The following SMCO2 variants were observed in gnomAD, a reference collection of about 807,000 sequenced individuals.
The protein encoded by SMCO2 is single-pass membrane and coiled-coil domain-containing protein 2.
In SMCO2, 25 loss-of-function variants were observed where a neutral mutation model predicts 29.5. The observed-to-expected ratio is 0.85, with a 90% CI of 0.62 to 1.18. The LOEUF (loss-of-function observed/expected upper bound fraction) is 1.18, where lower values mean the gene tolerates loss of function less well. Ranked by LOEUF, SMCO2 falls within the 50% of genes most tolerant of loss-of-function variation. SMCO2 has a pLI of 0.00. For missense variants in SMCO2, 348 were observed against 344.5 expected, an observed-to-expected ratio of 1.01 and a Z score of -0.08; for synonymous variants, 117 against 123.3, an observed-to-expected ratio of 0.95 and a Z score of 0.34.
chr12:27,484,652 T>A (rs191263851), intron 4 of SMCO2, among the ~76,000 whole-genome samples: 33 of 151,558 alleles, frequency 2.2e-4, no homozygotes, highest in Admixed American at 2.6e-4. Context: ...TCAAAATTTT[T>A]AAAAAATCTG....
chr12:27,464,489 G>T (rs1472698916), upstream of SMCO2, among the ~76,000 whole-genome samples: 2 of 151,944 alleles, frequency 1.3e-5, no homozygotes, highest in Non-Finnish European at 2.9e-5. Flanking sequence ...CAGGAGGATT[G>T]CTTGAGCCTA....
At chr12:27,445,156 TAGAC>T in the SMCO2 span, among the ~76,000 whole-genome samples, 2 of 152,120 alleles carry the variant, frequency 1.3e-5, no homozygotes, top group African/African-American at 2.4e-5. Flanking sequence ...CTCGTGAAGA[TAGAC>T]AGTAGATTGG....
At chr12:27,486,802 C>A (rs1167409395) in intron 4 of SMCO2, among the ~76,000 whole-genome samples, 1 of 152,190 alleles carries the variant, frequency 6.6e-6, no homozygotes, top group African/African-American at 2.4e-5. Context: ...TTGCAGAGAC[C>A]TGTAGACCAA....
At chr12:27,475,324 A>G (rs964417929) in intron 4 of SMCO2, among the ~76,000 whole-genome samples, 1 of 152,186 alleles carries the variant, frequency 6.6e-6, no homozygotes, top group Non-Finnish European at 1.5e-5. Context: ...TTCATTCCAC[A>G]CAGTGAAATT....
chr12:27,449,539 C>T, the SMCO2 span, among the ~76,000 whole-genome samples: 1 of 152,206 alleles, frequency 6.6e-6, no homozygotes, highest in African/African-American at 2.4e-5. Flanking sequence ...CCTCCATTTC[C>T]TTCTTGGAAA....
intron 5 of SMCO2, among the ~76,000 whole-genome samples, chr12:27,493,666 A>C (rs1430942643): frequency 6.6e-6 from 1 of 152,210 alleles, no homozygotes; most frequent in Non-Finnish European, 1.5e-5. Context: ...ATTAATTTAA[A>C]ACCTTTAAAA....
the SMCO2 span, among the ~76,000 whole-genome samples, chr12:27,445,961 T>C: frequency 6.6e-6 from 1 of 151,844 alleles, no homozygotes; most frequent in Non-Finnish European, 1.5e-5. Context: ...TGGAGTGCAA[T>C]GGCGTGATCT....
chr12:27,495,988 T>C (rs1451166542), intron 7 of SMCO2, 133 bp downstream of exon 8: 1 of 975,432 alleles, frequency 1.0e-6, no homozygotes, highest in African/African-American at 1.7e-5. Context: ...TCTATGTTCT[T>C]TAAAAGTCAT....
chr12:27,452,597 T>C, the SMCO2 span, among the ~76,000 whole-genome samples: 1 of 152,170 alleles, frequency 6.6e-6, no homozygotes, highest in East Asian at 1.9e-4. Flanking sequence ...TTAAGCAATC[T>C]TCCCACCTCA....
At chr12:27,481,833 T>C (rs1363999050) in intron 4 of SMCO2, among the ~76,000 whole-genome samples, 1 of 152,206 alleles carries the variant, frequency 6.6e-6, no homozygotes, top group Non-Finnish European at 1.5e-5. Flanking sequence ...AGCATCTGTA[T>C]TGATGTCTCC....
chr12:27,481,014 T>C (rs1477799376), intron 4 of SMCO2, among the ~76,000 whole-genome samples: 2 of 152,202 alleles, frequency 1.3e-5, no homozygotes, highest in Non-Finnish European at 2.9e-5. Flanking sequence ...CCCTGTTCCC[T>C]GGGTGTAATA....
rs1943076959 is a variant in SMCO2, at chr12:27,501,441, ACAAAC to A, written c.684-481_684-477del. 1.4e-4 allele frequency among the ~76,000 whole-genome samples: 21 copies of A among 148,302 alleles called. 1 individual carries two copies. The highest frequency in any genetic ancestry group is 5.1e-4 in the African/African-American group (20 of 39,330). ...AAAAAAAAAAAAAAAAAAAAAACAAACAAACAAAACAAAACAAAAAAAGCTTCTAT... is the reference window on the plus strand; with the variant it reads ...AAAAAAAAAAAAAAAAAAAAAACAAAAAAACAAAACAAAAAAAGCTTCTAT... On this transcript the variant is annotated intron_variant, in intron 7 of 7. Coordinates refer to ENST00000298876, the Ensembl canonical transcript of SMCO2.
At chr12:27,456,290 T>C in the SMCO2 span, among the ~76,000 whole-genome samples, 1 of 152,230 alleles carries the variant, frequency 6.6e-6, no homozygotes, top group Non-Finnish European at 1.5e-5. Context: ...CATCAACACA[T>C]GGATAAATGT....
At chr12:27,489,948 A>C (rs1446057216) in intron 5 of SMCO2, among the ~76,000 whole-genome samples, 1 of 152,236 alleles carries the variant, frequency 6.6e-6, no homozygotes, top group Non-Finnish European at 1.5e-5. Flanking sequence ...CACATACATA[A>C]ATGAAAGTGA....
intron 4 of SMCO2, among the ~76,000 whole-genome samples, chr12:27,482,403 G>A (rs2135559170): frequency 6.6e-6 from 1 of 152,308 alleles, no homozygotes; most frequent in East Asian, 1.9e-4. Flanking sequence ...CCGGGTTCAA[G>A]CATTTCTCCT....
chr12:27,431,247 T>C, the SMCO2 span, among the ~76,000 whole-genome samples: 6 of 152,240 alleles, frequency 3.9e-5, no homozygotes, highest in Admixed American at 3.9e-4. Context: ...GAACTCTTGA[T>C]CTCAAGTGAT....
At chr12:27,482,154 T>G (rs936087268) in intron 4 of SMCO2, among the ~76,000 whole-genome samples, 1 of 152,208 alleles carries the variant, frequency 6.6e-6, no homozygotes, top group Admixed American at 6.5e-5. Context: ...TGCTCTGCAC[T>G]TCCCTGTAAG....
chr12:27,501,430 A>AC (rs199803244), intron 7 of SMCO2, among the ~76,000 whole-genome samples: 6,909 of 144,998 alleles, frequency 0.048, 465 homozygotes, highest in African/African-American at 0.1. Context: ...AAAAAAAAAA[A>AC]AAAAAAACAA....
intron 7 of SMCO2, among the ~76,000 whole-genome samples, chr12:27,496,414 T>A (rs1943003692): frequency 6.6e-6 from 1 of 150,836 alleles, no homozygotes; most frequent in Middle Eastern, 3.4e-3. Flanking sequence ...TCTATCTATA[T>A]CTATCTAAAA....
Sources: gnomAD v4.1 joint callset for allele counts (sites outside exome capture counted in the v4.1 genomes callset) on GRCh38, gnomAD v4.1.1 for gene constraint, MANE v1.5 for transcripts, NCBI Gene and HGNC (gene_info 2026-07-23, HGNC 2026-07-21) for gene names.